Variants in DLGAP2 observed in about 807,000 individuals in gnomAD.
DLGAP2 encodes disks large-associated protein 2.
DLGAP2 carries 26 observed loss-of-function variants against 100.3 expected under a neutral mutation model. That is an observed-to-expected ratio of 0.26 (90% CI 0.19 to 0.36). The LOEUF is 0.36. Ranked by LOEUF, DLGAP2 falls within the 10% of genes least tolerant of loss-of-function variation. The pLI, the probability that DLGAP2 is intolerant of heterozygous loss-of-function variation, is 1.00. For missense variants in DLGAP2, 1,858 were observed against 1,453.2 expected (o/e 1.28, Z -4.53); for synonymous variants, 886 against 630.1 (o/e 1.41, Z -6.08).
At chr8:1,488,808 C>T (rs189478670) in intron 3 of DLGAP2, among the ~76,000 whole-genome samples, 1 of 152,174 alleles carries the variant, frequency 6.6e-6, no homozygotes, top group East Asian at 1.9e-4. Context: ...CAGTCAGTGA[C>T]TATGATGTCC....
chr8:1,584,216 A>C (rs1796042080), intron 6 of DLGAP2, among the ~76,000 whole-genome samples: 1 of 152,324 alleles, frequency 6.6e-6, no homozygotes, highest in Middle Eastern at 3.4e-3. Context: ...ATTGATAATC[A>C]ACTTAATAAA....
intron 3 of DLGAP2, among the ~76,000 whole-genome samples, chr8:1,437,433 C>T (rs1331275179): frequency 6.6e-6 from 1 of 152,160 alleles, no homozygotes; most frequent in Non-Finnish European, 1.5e-5. Context: ...AACGTAGAAC[C>T]CCACTGGTTT....
intron 2 of DLGAP2, among the ~76,000 whole-genome samples, chr8:1,017,750 G>T (rs184107629): frequency 1.3e-5 from 2 of 151,992 alleles, no homozygotes; most frequent in Non-Finnish European, 2.9e-5. Context: ...GCCTGCAAGG[G>T]GCCTGCCGTG....
At chr8:1,298,568 G>A (rs1046880894) in intron 3 of DLGAP2, among the ~76,000 whole-genome samples, 9 of 152,062 alleles carry the variant, frequency 5.9e-5, no homozygotes, top group East Asian at 1.9e-4. Flanking sequence ...CGTGGGGGAC[G>A]GCTCAGTAGG....
chr8:1,427,806 C>G (rs372638512), intron 3 of DLGAP2, among the ~76,000 whole-genome samples: 96 of 152,170 alleles, frequency 6.3e-4, no homozygotes, highest in Non-Finnish European at 9.6e-4. Flanking sequence ...TCCAATAAGT[C>G]TCTTTCTTTT....
At chr8:1,198,622 A>G (rs1797804198) in intron 2 of DLGAP2, among the ~76,000 whole-genome samples, 1 of 152,020 alleles carries the variant, frequency 6.6e-6, no homozygotes, top group African/African-American at 2.4e-5. Context: ...AGACTGGCAG[A>G]CCCCAAAAGG....
chr8:1,671,841 C>T (rs542391786), intron 10 of DLGAP2, among the ~76,000 whole-genome samples: 13 of 152,214 alleles, frequency 8.5e-5, no homozygotes, highest in Non-Finnish European at 1.5e-4. Flanking sequence ...AGGCCAGATG[C>T]CCGTAGGAGA....
At chr8:1,210,231 G>A (rs1024608993) in intron 2 of DLGAP2, among the ~76,000 whole-genome samples, 1 of 152,170 alleles carries the variant, frequency 6.6e-6, no homozygotes, top group African/African-American at 2.4e-5. Context: ...GGGCTCAGGT[G>A]ACCTTCCTGG....
chr8:1,134,490 C>T (rs1796362637), intron 2 of DLGAP2, among the ~76,000 whole-genome samples: 1 of 87,816 alleles, frequency 1.1e-5, no homozygotes, highest in Non-Finnish European at 2.3e-5. Flanking sequence ...ACCTTGTAAG[C>T]ATGTGTTATT....
At position 1,549,242 on chromosome 8, in the gene DLGAP2, G is replaced by C. The variant is rs1308671801; in HGVS notation, c.789G>C (p.Ala263=). ...ACGGCACCAAGGCGGACGGCCGGGC[G>C]GACGACCACCACCACGCCCACCACG... The part of the protein sequence containing the change: ...NANGTKADGR[A]DDHHHAHHAK... Residue 263 remains alanine (A), a synonymous_variant, in exon 5 of 15, where the codon GCG becomes GCC. Coordinates refer to ENST00000637795, the MANE Select transcript of DLGAP2 (RefSeq NM_001346810.2). 6.2e-7 allele frequency: 1 copy of C among 1,607,448 alleles called. No individual in the cohort carries two copies.
At chr8:1,588,338 G>A (rs1182044682) in intron 6 of DLGAP2, among the ~76,000 whole-genome samples, 1 of 152,130 alleles carries the variant, frequency 6.6e-6, no homozygotes, top group Non-Finnish European at 1.5e-5. Context: ...TGTAAGATCT[G>A]AGGACACAGT....
chr8:966,077 C>T (rs756504442), intron 2 of DLGAP2, among the ~76,000 whole-genome samples: 2 of 152,224 alleles, frequency 1.3e-5, no homozygotes, highest in Non-Finnish European at 2.9e-5. Context: ...CACAGCTTCT[C>T]GCCAGACTCC....
chr8:1,533,445 G>GCAGTGAGC (rs1407778998), intron 4 of DLGAP2, among the ~76,000 whole-genome samples: 1 of 151,938 alleles, frequency 6.6e-6, no homozygotes, highest in Non-Finnish European at 1.5e-5. Context: ...GGCAGAGTTT[G>GCAGTGAGC]CAGTGAGCCG....
rs140859566 is a variant in DLGAP2 at position 1,541,177 on chromosome 8, C to T, written c.173-7449C>T. Among the ~76,000 whole-genome samples, 763 of 152,348 alleles carry T rather than the reference C, an allele frequency of 5.0e-3. 1 individual carries two copies. Among genetic ancestry groups the T allele is most frequent in the Non-Finnish European group, 7.6e-3 (515 of 68,042 alleles). ...GGGGAGAGCTTCACCCAAATTCTTA[C>T]CTCCACTGAGCCCCTAATGCACACT... On this transcript the variant is annotated intron_variant, in intron 4 of 14. Transcript: ENST00000637795.
intron 2 of DLGAP2, among the ~76,000 whole-genome samples, chr8:1,221,958 C>G (rs1437575732): frequency 6.6e-6 from 1 of 152,134 alleles, no homozygotes; most frequent in Non-Finnish European, 1.5e-5. Flanking sequence ...CTGTTTGGTT[C>G]TGTCTGAAAA....
rs758493258 is a variant in DLGAP2 at position 1,548,662 on chromosome 8, A to C, written c.209A>C (p.Asn70Thr). The C allele has an allele frequency of 3.2e-6, 5 of 1,585,192 alleles. No homozygotes were observed. The highest frequency in any genetic ancestry group is 4.3e-6 in the Non-Finnish European group (5 of 1,167,620). The change falls in exon 5 of 15, where the codon AAT becomes ACT. Residue 70 changes from asparagine (N) to threonine (T), a missense_variant. Coordinates refer to ENST00000637795, the MANE Select transcript of DLGAP2 (RefSeq NM_001346810.2). ...TCATGGTCGCCCACGCAGCACTTCA[A>C]TGAGGAGCGCTACTCGCCCGCGCCC... ...QYSWSPTQHF[N>T]EERYSPAPRS...
At chr8:1,316,787 G>C (rs1044028713) in intron 3 of DLGAP2, among the ~76,000 whole-genome samples, 2 of 144,776 alleles carry the variant, frequency 1.4e-5, no homozygotes, top group Non-Finnish European at 3.0e-5. Flanking sequence ...CTCCCACAGT[G>C]GTCTACACTC....
At chr8:1,562,634 T>A (rs1281335665) in intron 5 of DLGAP2, among the ~76,000 whole-genome samples, 1 of 49,534 alleles carries the variant, frequency 2.0e-5, no homozygotes, top group African/African-American at 9.2e-5. Context: ...GGTGTTGGGG[T>A]GTCCGCGCCT....
At chr8:1,480,945 G>GAC (rs1799075037) in intron 3 of DLGAP2, among the ~76,000 whole-genome samples, 2 of 152,042 alleles carry the variant, frequency 1.3e-5, no homozygotes, top group Non-Finnish European at 2.9e-5. Context: ...GGCCGAGGCG[G>GAC]GCAGATCACG....
Sources: allele counts gnomAD v4.1 joint callset (sites outside exome capture counted in the v4.1 genomes callset), GRCh38; gene constraint gnomAD v4.1.1; transcripts MANE v1.5; gene names NCBI Gene and HGNC (gene_info 2026-07-23, HGNC 2026-07-21).